Variants in CADM1 observed in about 807,000 individuals in gnomAD.
CADM1 encodes cell adhesion molecule 1, also known as TSLC-1.
CADM1 carries 15 observed loss-of-function variants against 53.1 expected under a neutral mutation model. The ratio of observed to expected loss-of-function variants is 0.28; its 90% CI spans 0.19 to 0.44. The LOEUF is 0.44. Among genes scored for constraint, CADM1 ranks in the 20% least tolerant of loss-of-function variants. The pLI is 1.00. For missense variants in CADM1, 434 were observed against 611.3 expected, an observed-to-expected ratio of 0.71 and a Z score of 3.06; for synonymous variants, 281 against 243.0, an observed-to-expected ratio of 1.16 and a Z score of -1.45.
At chr11:115,422,057 ATAAAT>A (rs1254125896) in intron 1 of CADM1, among the ~76,000 whole-genome samples, 4 of 152,208 alleles carry the variant, frequency 2.6e-5, no homozygotes, top group Non-Finnish European at 4.4e-5. Context: ...TCCCCAGAAA[ATAAAT>A]TAAAGGACAT....
At chr11:115,238,209 A>G (rs1425049237) in intron 3 of CADM1, among the ~76,000 whole-genome samples, 1 of 152,208 alleles carries the variant, frequency 6.6e-6, no homozygotes, top group African/African-American at 2.4e-5. Flanking sequence ...GTTAGAAGTA[A>G]TAACATTTCA....
At chr11:115,412,351 T>C (rs929884173) in intron 1 of CADM1, among the ~76,000 whole-genome samples, 12 of 152,092 alleles carry the variant, frequency 7.9e-5, no homozygotes, top group Admixed American at 6.6e-4. Flanking sequence ...AGCACCACCA[T>C]GCCCAGCTAA....
chr11:115,265,862 T>C (rs1943118602), intron 1 of CADM1, among the ~76,000 whole-genome samples: 1 of 152,220 alleles, frequency 6.6e-6, no homozygotes, highest in African/African-American at 2.4e-5. Flanking sequence ...TGTTAATCAA[T>C]GAAATGGATA....
intron 1 of CADM1, among the ~76,000 whole-genome samples, chr11:115,359,714 T>C (rs2135089791): frequency 6.6e-6 from 1 of 152,334 alleles, no homozygotes; most frequent in Non-Finnish European, 1.5e-5. Flanking sequence ...CGCTCCTGAC[T>C]CAATCTTTGT....
At position 115,176,411 on chromosome 11, in the gene CADM1, T is replaced by C. The variant is rs1026292406; in HGVS notation, c.*63A>G. On this transcript the variant is annotated 3_prime_UTR_variant, in exon 12 of 12. Coordinates refer to ENST00000331581, the MANE Select transcript of CADM1 (RefSeq NM_001301043.2). ...CACGAATTTCTCGCAAGTTCCAATA[T>C]CACTGTCTCTTTATCATCTAAATAG... The C allele has an allele frequency of 6.2e-7, 1 of 1,607,422 alleles. No homozygotes were observed. Among genetic ancestry groups the C allele is most frequent in the Admixed American group, 1.7e-5 (1 of 59,810 alleles).
chr11:115,378,134 C>T (rs1946485249), intron 1 of CADM1, among the ~76,000 whole-genome samples: 1 of 152,104 alleles, frequency 6.6e-6, no homozygotes, highest in Admixed American at 6.6e-5. Context: ...GTTTGTTCAC[C>T]AAGTTTTCAG....
intron 7 of CADM1, among the ~76,000 whole-genome samples, chr11:115,211,477 T>TC: frequency 7.1e-6 from 1 of 139,862 alleles, no homozygotes; most frequent in African/African-American, 2.7e-5. Context: ...TCCTATTTCT[T>TC]TTTTTTTTTT....
At chr11:115,417,142 C>T (rs1161217426) in intron 1 of CADM1, among the ~76,000 whole-genome samples, 1 of 152,152 alleles carries the variant, frequency 6.6e-6, no homozygotes, top group African/African-American at 2.4e-5. Flanking sequence ...GATTTCAACT[C>T]ACTTGAAAAC....
At chr11:115,456,668 C>A (rs1271091299) in intron 1 of CADM1, among the ~76,000 whole-genome samples, 5 of 152,096 alleles carry the variant, frequency 3.3e-5, no homozygotes, top group African/African-American at 1.2e-4. Context: ...GGCTCTTCCA[C>A]TAGCTGTGTG....
intron 1 of CADM1, among the ~76,000 whole-genome samples, chr11:115,341,315 A>T (rs77364416): frequency 0.021 from 3,189 of 152,262 alleles, 133 homozygotes; most frequent in African/African-American, 0.071. Context: ...TGGCCTCCTC[A>T]TGAGCTACAA....
chr11:115,417,761 T>C (rs980933389), intron 1 of CADM1, among the ~76,000 whole-genome samples: 11 of 152,200 alleles, frequency 7.2e-5, no homozygotes, highest in African/African-American at 2.7e-4. Flanking sequence ...TGTTTATTTC[T>C]GGAATTTTCT....
chr11:115,285,326 T>C (rs1943702948), intron 1 of CADM1, among the ~76,000 whole-genome samples: 1 of 152,214 alleles, frequency 6.6e-6, no homozygotes, highest in African/African-American at 2.4e-5. Context: ...TATGTAAACT[T>C]CGTTGTGTAC....
At chr11:115,275,933 C>T (rs1006972364) in intron 1 of CADM1, among the ~76,000 whole-genome samples, 2 of 152,094 alleles carry the variant, frequency 1.3e-5, no homozygotes, top group Admixed American at 1.3e-4. Flanking sequence ...ATCCAGGAAA[C>T]ACAAAAATGT....
intron 1 of CADM1, among the ~76,000 whole-genome samples, chr11:115,481,006 C>T (rs1949246516): frequency 6.6e-6 from 1 of 152,044 alleles, no homozygotes; most frequent in Non-Finnish European, 1.5e-5. Context: ...TTTCATCTCC[C>T]TCTGTAATAT....
chr11:115,210,320 A>T (rs577384636), intron 7 of CADM1, among the ~76,000 whole-genome samples: 2 of 152,360 alleles, frequency 1.3e-5, no homozygotes, highest in East Asian at 3.9e-4. Flanking sequence ...TGCTCATATT[A>T]AAAGCTTGAC....
intron 1 of CADM1, among the ~76,000 whole-genome samples, chr11:115,250,015 C>T (rs1743876669): frequency 6.6e-6 from 1 of 152,186 alleles, no homozygotes; most frequent in African/African-American, 2.4e-5. Context: ...CACCATTCTC[C>T]TGCCTCAGCC....
At position 115,247,329 on chromosome 11, in the gene CADM1, C is replaced by T. The variant is rs150979959; in HGVS notation, c.125-6909G>A. On this transcript the variant is annotated intron_variant, in intron 1 of 11. Transcript: ENST00000331581. ...ATTTTCCCATTCATCCTAACATCTC[C>T]TTGACACCAATTAAGGTCTATTGTG... is the stretch of plus-strand genomic sequence containing the variant. 8.7e-4 allele frequency among the ~76,000 whole-genome samples: 132 copies of T among 152,300 alleles called. No individual in the cohort carries two copies. The South Asian group carries it at 9.5e-3, about 11-fold the overall frequency.
intron 1 of CADM1, among the ~76,000 whole-genome samples, chr11:115,492,622 G>C (rs970270430): frequency 6.6e-6 from 1 of 151,604 alleles, no homozygotes; most frequent in Admixed American, 6.6e-5. Flanking sequence ...CGCTCTACTT[G>C]GTAGATTTGT....
At chr11:115,306,226 T>C (rs888374047) in intron 1 of CADM1, among the ~76,000 whole-genome samples, 53 of 152,086 alleles carry the variant, frequency 3.5e-4, no homozygotes, top group African/African-American at 1.1e-3. Flanking sequence ...TATGTTTAGA[T>C]ACACAAACAC....
Sources: allele counts gnomAD v4.1 joint callset (sites outside exome capture counted in the v4.1 genomes callset), GRCh38; gene constraint gnomAD v4.1.1; transcripts MANE v1.5; gene names NCBI Gene and HGNC (gene_info 2026-07-23, HGNC 2026-07-21).